Variants in DCAF8L2 observed in about 807,000 individuals in gnomAD.
The protein encoded by DCAF8L2 is DDB1- and CUL4-associated factor 8-like protein 2.
For synonymous variants in DCAF8L2, 200 were observed against 190.9 expected, an observed-to-expected ratio of 1.05 and a Z score of -0.39; for missense variants, 430 against 490.7, an observed-to-expected ratio of 0.88 and a Z score of 1.17.
intron 3 of DCAF8L2, among the ~76,000 whole-genome samples, chrX:27,700,997 A>G (rs1931109449): frequency 9.0e-6 from 1 of 111,157 alleles, no homozygotes; most frequent in African/African-American, 3.3e-5. Context: ...TCTCATGAGG[A>G]AGAATTTAAA....
chrX:27,627,383 T>C (rs776066331), intron 1 of DCAF8L2: 2 of 111,035 alleles, frequency 1.8e-5, no homozygotes, highest in Non-Finnish European at 3.8e-5. Context: ...ATGCAAATGA[T>C]GGCACATATA....
At chrX:27,646,656 C>A (rs1928950072) in intron 2 of DCAF8L2, among the ~76,000 whole-genome samples, 1 of 110,880 alleles carries the variant, frequency 9.0e-6, no homozygotes, top group South Asian at 3.8e-4. Flanking sequence ...TGCAATCTAT[C>A]CATCTGAAAA....
chrX:27,494,942 T>G, the DCAF8L2 span, among the ~76,000 whole-genome samples: 1 of 111,899 alleles, frequency 8.9e-6, no homozygotes, highest in Admixed American at 9.5e-5. Context: ...TGATCTTTTT[T>G]TTGCATGAGT....
chrX:27,537,537 A>T, the DCAF8L2 span, among the ~76,000 whole-genome samples: 4 of 112,611 alleles, frequency 3.6e-5, no homozygotes, highest in East Asian at 2.8e-4. Flanking sequence ...GCCATTTCAA[A>T]CTACTTATAT....
At chrX:27,579,175 AG>A in the DCAF8L2 span, among the ~76,000 whole-genome samples, 1 of 112,164 alleles carries the variant, frequency 8.9e-6, no homozygotes, top group African/African-American at 3.2e-5. Context: ...CATCAATGAT[AG>A]ACTGGATAAA....
chrX:27,714,780 A>C (rs1165596979), intron 3 of DCAF8L2, among the ~76,000 whole-genome samples: 1 of 112,126 alleles, frequency 8.9e-6, no homozygotes, highest in East Asian at 2.8e-4. Context: ...AATTTGAAGT[A>C]ATTGCAAATG....
rs755572536 is a variant in DCAF8L2 at position 27,673,714 on chromosome X, T to TAC, written c.-219-4112_-219-4111dup. 8.4e-3 allele frequency among the ~76,000 whole-genome samples: 915 copies of TAC among 108,570 alleles called. 4 individuals are homozygous for TAC. Among genetic ancestry groups the TAC allele is most frequent in the African/African-American group, 0.028 (835 of 29,764 alleles). 94.3% of individuals were successfully genotyped at this position (108,570 alleles called of 115,157 possible). ...ACGTGGTTGTGTGTATATATATATA[T>TAC]ACACACACACATATACTACATGTAT... On this transcript the variant is annotated intron_variant, in intron 2 of 4. Transcript: ENST00000451261.
chrX:27,617,025 A>G (rs1200448372), intron 1 of DCAF8L2, among the ~76,000 whole-genome samples: 1 of 111,497 alleles, frequency 9.0e-6, no homozygotes. Flanking sequence ...TAAATACATA[A>G]AAAGCAACAA....
At chrX:27,519,377 C>T in the DCAF8L2 span, 7 of 1,154,235 alleles carry the variant, frequency 6.1e-6, no homozygotes, top group East Asian at 1.8e-4. Context: ...AAACAAGCTG[C>T]CGACCAGATG....
chrX:27,746,827 T>A lies in DCAF8L2; in HGVS notation c.-58-11T>A. On this transcript the variant is annotated splice_polypyrimidine_tract_variant and intron_variant, in intron 4 of 4. Coordinates refer to ENST00000451261, the MANE Select transcript of DCAF8L2 (RefSeq NM_001353450.2). ...CCATCAGTCCTAACCGCAGGCCAACTTTCTTCCCAGAGCTTTTAGGGGCCT... is the reference window on the plus strand; with the variant it reads ...CCATCAGTCCTAACCGCAGGCCAACATTCTTCCCAGAGCTTTTAGGGGCCT... The A allele has an allele frequency of 9.3e-7, 1 of 1,079,227 alleles. No individual in the cohort carries two copies. The highest frequency in any genetic ancestry group is 3.3e-5 in the Admixed American group (1 of 30,217). 88.9% of individuals were successfully genotyped at this position (1,079,227 alleles called of 1,213,427 possible).
At chrX:27,484,260 A>C in the DCAF8L2 span, among the ~76,000 whole-genome samples, 3 of 111,800 alleles carry the variant, frequency 2.7e-5, no homozygotes, top group African/African-American at 6.5e-5. Context: ...ACTAGTATTC[A>C]ATAAAATTCA....
chrX:27,734,106 T>C (rs1386712797), intron 4 of DCAF8L2, among the ~76,000 whole-genome samples: 1 of 111,529 alleles, frequency 9.0e-6, no homozygotes, highest in Admixed American at 9.6e-5. Flanking sequence ...ACTGAAAGCT[T>C]TCTCTCTAAG....
At chrX:27,528,897 G>A in the DCAF8L2 span, among the ~76,000 whole-genome samples, 94 of 111,665 alleles carry the variant, frequency 8.4e-4, 1 homozygote, top group African/African-American at 2.7e-3. Context: ...ATAACAACTA[G>A]TGCAATTGTA....
At chrX:27,689,163 G>T (rs758287422) in intron 3 of DCAF8L2, among the ~76,000 whole-genome samples, 3 of 112,338 alleles carry the variant, frequency 2.7e-5, no homozygotes, top group Non-Finnish European at 3.8e-5. Flanking sequence ...TTCCTTTAGG[G>T]TTTTATTGAA....
chrX:27,533,234 G>GAGAA, the DCAF8L2 span, among the ~76,000 whole-genome samples: 122 of 33,680 alleles, frequency 3.6e-3, 3 homozygotes, highest in African/African-American at 7.3e-3. Context: ...AAGAAAGAAA[G>GAGAA]AGAAAGAAAG....
At chrX:27,736,795 T>C (rs191913186) in intron 4 of DCAF8L2, among the ~76,000 whole-genome samples, 11 of 111,473 alleles carry the variant, frequency 9.9e-5, no homozygotes, top group Admixed American at 1.9e-4. Flanking sequence ...GAGACCTTTT[T>C]AGTGGCTCTG....
the DCAF8L2 span, among the ~76,000 whole-genome samples, chrX:27,546,052 C>T: frequency 8.9e-6 from 1 of 111,886 alleles, no homozygotes; most frequent in African/African-American, 3.2e-5. Context: ...AGGCAAGTCC[C>T]TTCTGCCTAT....
chrX:27,747,835 G>T lies in DCAF8L2; in HGVS notation c.940G>T (p.Val314Leu). The change falls in exon 5 of 5, where the codon GTG becomes TTG. Residue 314 changes from valine to leucine, a missense_variant. Transcript: ENST00000451261. Reference sequence around the variant, plus strand: ...ATCATATTTCAACAATACTAAGTGTGTGGCCCAGCACAGGGGACCTGCCCA... The same window carrying T: ...ATCATATTTCAACAATACTAAGTGTTTGGCCCAGCACAGGGGACCTGCCCA... ...NASYFNNTKC[V>L]AQHRGPAHKL... 1 of 1,209,954 alleles carries T rather than the reference G, an allele frequency of 8.3e-7. No individual in the cohort carries two copies. Among genetic ancestry groups the T allele is most frequent in the African/African-American group, 1.7e-5 (1 of 57,868 alleles).
intron 3 of DCAF8L2, among the ~76,000 whole-genome samples, chrX:27,715,009 A>T (rs1291406944): frequency 2.7e-5 from 3 of 111,808 alleles, no homozygotes; most frequent in African/African-American, 9.8e-5. Context: ...AAATGGTTTT[A>T]CTATGACACT....
Sources: gnomAD v4.1 joint callset for allele counts (sites outside exome capture counted in the v4.1 genomes callset) on GRCh38, gnomAD v4.1.1 for gene constraint, MANE v1.5 for transcripts, NCBI Gene and HGNC (gene_info 2026-07-23, HGNC 2026-07-21) for gene names.